FRMPD4: variants seen among roughly 807,000 people sequenced by gnomAD.
FRMPD4 encodes FERM and PDZ domain containing 4.
In FRMPD4, 22 loss-of-function variants were observed where a neutral mutation model predicts 94.1. The observed-to-expected ratio is 0.23, with a 90% CI of 0.17 to 0.33. FRMPD4 has a LOEUF of 0.33. Among genes scored for constraint, FRMPD4 ranks in the 10% least tolerant of loss-of-function variants. FRMPD4 has a pLI of 1.00. For missense variants in FRMPD4, 1,111 were observed against 1,339.9 expected, an observed-to-expected ratio of 0.83 and a Z score of 2.67; for synonymous variants, 631 against 548.6, an observed-to-expected ratio of 1.15 and a Z score of -2.10.
At chrX:12,413,377 G>A (rs2056759179) in intron 1 of FRMPD4, among the ~76,000 whole-genome samples, 1 of 111,964 alleles carries the variant, frequency 8.9e-6, no homozygotes, top group African/African-American at 3.2e-5. Context: ...CCTTACCCTT[G>A]CACAGGAATC....
intron 1 of FRMPD4, among the ~76,000 whole-genome samples, chrX:12,425,578 T>A (rs1462158969): frequency 1.8e-5 from 2 of 111,239 alleles, no homozygotes; most frequent in Non-Finnish European, 3.8e-5. Context: ...CAACCGGGGG[T>A]ATTTTGAGAC....
chrX:12,293,000 T>A (rs905794511), intron 1 of FRMPD4, among the ~76,000 whole-genome samples: 1 of 109,915 alleles, frequency 9.1e-6, no homozygotes, highest in African/African-American at 3.3e-5. Flanking sequence ...AGCTGGATAG[T>A]AACTGTGACT....
intron 1 of FRMPD4, among the ~76,000 whole-genome samples, chrX:11,847,886 G>A (rs1464726605): frequency 3.0e-5 from 2 of 66,622 alleles, no homozygotes; most frequent in Non-Finnish European, 5.3e-5. Flanking sequence ...CTGTTGTGGG[G>A]TCGGGGGAGG....
intron 1 of FRMPD4, among the ~76,000 whole-genome samples, chrX:12,427,945 T>C (rs1369185405): frequency 1.1e-5 from 1 of 88,076 alleles, no homozygotes; most frequent in Non-Finnish European, 2.2e-5. Context: ...AGTCTCACTG[T>C]GTCTCCCACA....
chrX:12,440,706 G>T (rs185583806), intron 1 of FRMPD4, among the ~76,000 whole-genome samples: 7 of 110,963 alleles, frequency 6.3e-5, no homozygotes, highest in South Asian at 3.9e-4. Flanking sequence ...ACTTGGGAGG[G>T]GGGGGAGCAG....
intron 1 of FRMPD4, among the ~76,000 whole-genome samples, chrX:12,333,661 A>C (rs1351144793): frequency 8.9e-6 from 1 of 112,187 alleles, no homozygotes; most frequent in Admixed American, 9.5e-5. Context: ...ACTTGTAAAC[A>C]TAAGTTTTTT....
intron 1 of FRMPD4, among the ~76,000 whole-genome samples, chrX:12,483,648 T>A (rs2057711443): frequency 9.0e-6 from 1 of 111,631 alleles, no homozygotes; most frequent in African/African-American, 3.3e-5. Flanking sequence ...ATTTTATAAA[T>A]TTTAGGCTGT....
chrX:11,950,783 C>T (rs1296409705), intron 3 of FRMPD4, among the ~76,000 whole-genome samples: 4 of 111,161 alleles, frequency 3.6e-5, no homozygotes, highest in Admixed American at 9.6e-5. Context: ...CAAGGCTGGG[C>T]GCAGTGGCTC....
chrX:11,845,108 A>T (rs2053566338), intron 1 of FRMPD4, among the ~76,000 whole-genome samples: 1 of 112,127 alleles, frequency 8.9e-6, no homozygotes, highest in Non-Finnish European at 1.9e-5. Context: ...TCATACTTTA[A>T]TTGTTTCAGT....
intron 1 of FRMPD4, among the ~76,000 whole-genome samples, chrX:12,241,632 G>A (rs936370240): frequency 8.9e-6 from 1 of 111,782 alleles, no homozygotes; most frequent in East Asian, 2.8e-4. Flanking sequence ...TGGCACACTG[G>A]CTCACGCCTG....
At chrX:12,386,539 C>G (rs1438366153) in intron 1 of FRMPD4, among the ~76,000 whole-genome samples, 1 of 112,093 alleles carries the variant, frequency 8.9e-6, no homozygotes. Flanking sequence ...TTGGTACACT[C>G]TTTACCTATT....
intron 3 of FRMPD4, among the ~76,000 whole-genome samples, chrX:12,099,069 G>A (rs1413744598): frequency 1.3e-5 from 1 of 75,462 alleles, no homozygotes; most frequent in Admixed American, 1.5e-4. Flanking sequence ...GTTGTGGGGT[G>A]GGGGGAGGGG....
intron 1 of FRMPD4, among the ~76,000 whole-genome samples, chrX:11,861,926 C>T (rs2053689414): frequency 8.9e-6 from 1 of 111,735 alleles, no homozygotes; most frequent in South Asian, 3.8e-4. Context: ...TCAGCATCTG[C>T]TTGGCTTCTG....
At chrX:12,550,302 A>G (rs1434376368) in intron 2 of FRMPD4, among the ~76,000 whole-genome samples, 2 of 109,531 alleles carry the variant, frequency 1.8e-5, no homozygotes, top group African/African-American at 3.3e-5. Flanking sequence ...TTGATAGACA[A>G]TAAATTTTAT....
At chrX:12,273,078 A>G in intron 1 of FRMPD4, among the ~76,000 whole-genome samples, 1 of 104,032 alleles carries the variant, frequency 9.6e-6, no homozygotes, top group East Asian at 2.9e-4. Context: ...CTTGGTTTCA[A>G]AAAAAAAAAA....
At chrX:11,924,559 C>T (rs188114838) in intron 3 of FRMPD4, among the ~76,000 whole-genome samples, 158 of 112,321 alleles carry the variant, frequency 1.4e-3, no homozygotes, top group Non-Finnish European at 2.2e-3. Context: ...CAGCAAACCT[C>T]TCAGCTGAAA....
At chrX:11,851,248 G>T (rs938622988) in intron 1 of FRMPD4, among the ~76,000 whole-genome samples, 12 of 111,712 alleles carry the variant, frequency 1.1e-4, no homozygotes, top group Admixed American at 1.0e-3. Context: ...AATGGTTGTT[G>T]TTTTTTTAAA....
intron 1 of FRMPD4, among the ~76,000 whole-genome samples, chrX:12,163,453 G>A (rs1357686699): frequency 3.1e-5 from 2 of 64,443 alleles, no homozygotes; most frequent in Admixed American, 4.2e-4. Flanking sequence ...TTATTCCAAT[G>A]ACCCTTTGTA....
At chrX:12,529,229 G>T (rs1007169916) in intron 2 of FRMPD4, among the ~76,000 whole-genome samples, 1 of 112,836 alleles carries the variant, frequency 8.9e-6, no homozygotes, top group Non-Finnish European at 1.9e-5. Flanking sequence ...AAGGGTCTCA[G>T]TTCCTCACTG....
Sources: allele counts gnomAD v4.1 joint callset (sites outside exome capture counted in the v4.1 genomes callset), GRCh38; gene constraint gnomAD v4.1.1; transcripts MANE v1.5; gene names NCBI Gene and HGNC (gene_info 2026-07-23, HGNC 2026-07-21).